TENM2: variants seen among roughly 807,000 people sequenced by gnomAD.
TENM2 encodes the protein teneurin transmembrane protein 2.
TENM2 carries 52 observed loss-of-function variants against 245.2 expected under a neutral mutation model. The ratio of observed to expected loss-of-function variants is 0.21; its 90% CI spans 0.17 to 0.27. The LOEUF (loss-of-function observed/expected upper bound fraction) is 0.27. Among genes scored for constraint, TENM2 ranks in the 10% least tolerant of loss-of-function variants. The pLI is 1.00. For synonymous variants in TENM2, 1,363 were observed against 1,438.9 expected (o/e 0.95, Z 1.19); for missense variants, 3,046 against 3,666.8 (o/e 0.83, Z 4.37).
intron 2 of TENM2, among the ~76,000 whole-genome samples, chr5:167,577,526 T>C (rs1162570013): frequency 6.6e-6 from 1 of 152,202 alleles, no homozygotes; most frequent in East Asian, 1.9e-4. Flanking sequence ...ATTTTGTAAT[T>C]AATGCTCTAA....
At chr5:167,811,091 G>C (rs142012923) in intron 2 of TENM2, among the ~76,000 whole-genome samples, 413 of 152,264 alleles carry the variant, frequency 2.7e-3, no homozygotes, top group African/African-American at 9.4e-3. Flanking sequence ...ATATATCGCT[G>C]CAAGGAGGAA....
intron 5 of TENM2, among the ~76,000 whole-genome samples, chr5:168,033,546 G>A (rs1787317197): frequency 6.6e-6 from 1 of 151,916 alleles, no homozygotes; most frequent in Non-Finnish European, 1.5e-5. Flanking sequence ...TATTAGCCTG[G>A]CACACTCCCA....
rs568741121 is a variant in TENM2 at position 167,935,363 on chromosome 5, C to T, written c.713-17225C>T. Among the ~76,000 whole-genome samples the T allele has an allele frequency of 9.9e-5, 15 of 152,268 alleles. 1 individual carries two copies. In the South Asian group the frequency reaches 2.9e-3, roughly 29 times the overall value. ...CCCAGCCCCATCATTTAGGAACCCC[C>T]TGGAATCTGATGGACAGGACTGATG... On this transcript the variant is annotated intron_variant, in intron 3 of 28. Coordinates refer to ENST00000518659, the Ensembl canonical transcript of TENM2.
chr5:168,216,152 T>C (rs1763174469), intron 21 of TENM2, among the ~76,000 whole-genome samples: 1 of 152,188 alleles, frequency 6.6e-6, no homozygotes, highest in Admixed American at 6.5e-5. Flanking sequence ...AGCCTTGTAC[T>C]TGGGCACTGG....
At chr5:167,012,269 C>T in the TENM2 span, among the ~76,000 whole-genome samples, 1 of 152,148 alleles carries the variant, frequency 6.6e-6, no homozygotes, top group African/African-American at 2.4e-5. Context: ...CTTCCCCTGT[C>T]GTTTTAAGAC....
At chr5:167,708,391 G>C (rs891101353) in intron 2 of TENM2, among the ~76,000 whole-genome samples, 5 of 152,290 alleles carry the variant, frequency 3.3e-5, no homozygotes, top group African/African-American at 1.2e-4. Flanking sequence ...GGCAGATACT[G>C]TCTACTTGCC....
intron 2 of TENM2, among the ~76,000 whole-genome samples, chr5:167,706,307 G>T (rs868291589): frequency 6.7e-4 from 98 of 145,944 alleles, no homozygotes; most frequent in Middle Eastern, 7.3e-3. Context: ...ATGTATCACA[G>T]TATATATAAG....
At chr5:167,020,001 C>G in the TENM2 span, among the ~76,000 whole-genome samples, 1 of 152,082 alleles carries the variant, frequency 6.6e-6, no homozygotes, top group Non-Finnish European at 1.5e-5. Context: ...ATAATAAAAT[C>G]TGGGAAAGTG....
At chr5:167,289,907 C>A (rs2127717904) in intron 1 of TENM2, among the ~76,000 whole-genome samples, 1 of 152,294 alleles carries the variant, frequency 6.6e-6, no homozygotes, top group Non-Finnish European at 1.5e-5. Context: ...AAAACCTCAG[C>A]ACTTTAATTT....
At chr5:167,626,667 G>C (rs1189704317) in intron 2 of TENM2, among the ~76,000 whole-genome samples, 1 of 152,166 alleles carries the variant, frequency 6.6e-6, no homozygotes, top group African/African-American at 2.4e-5. Flanking sequence ...AGTTAGAAAA[G>C]TTGGAACAAC....
chr5:167,828,932 G>C (rs577635304), intron 2 of TENM2, among the ~76,000 whole-genome samples: 1 of 152,238 alleles, frequency 6.6e-6, no homozygotes, highest in Non-Finnish European at 1.5e-5. Context: ...GGGTTCTCTG[G>C]CTCTTGGTTT....
At chr5:168,090,481 C>G (rs544537830) in intron 7 of TENM2, 93 bp from the exon 10 acceptor site, 1 of 1,143,708 alleles carries the variant, frequency 8.7e-7, no homozygotes, top group Non-Finnish European at 1.2e-6. Context: ...AAAGGTCTTT[C>G]TCCATTAACA....
the TENM2 span, among the ~76,000 whole-genome samples, chr5:167,252,909 G>A: frequency 6.6e-6 from 1 of 152,006 alleles, no homozygotes; most frequent in Non-Finnish European, 1.5e-5. Flanking sequence ...CTTGACTCTG[G>A]CCTTACGTGT....
At chr5:168,101,637 A>T (rs1166288956) in intron 9 of TENM2, among the ~76,000 whole-genome samples, 2 of 152,210 alleles carry the variant, frequency 1.3e-5, no homozygotes, top group Admixed American at 6.5e-5. Flanking sequence ...GGATGTTAAG[A>T]GTAGTTATTC....
At chr5:167,034,736 A>C in the TENM2 span, among the ~76,000 whole-genome samples, 1 of 151,702 alleles carries the variant, frequency 6.6e-6, no homozygotes, top group African/African-American at 2.4e-5. Context: ...AAGAGACTCT[A>C]TCTGTGTCGA....
chr5:167,055,520 T>C, the TENM2 span, among the ~76,000 whole-genome samples: 1 of 152,110 alleles, frequency 6.6e-6, no homozygotes, highest in Non-Finnish European at 1.5e-5. Context: ...TTGACAAGAT[T>C]GAGTTTTCCT....
At chr5:167,484,756 A>G (rs1481269682) in intron 2 of TENM2, among the ~76,000 whole-genome samples, 2 of 152,170 alleles carry the variant, frequency 1.3e-5, no homozygotes, top group African/African-American at 2.4e-5. Flanking sequence ...TACATGGGAA[A>G]TTGGTCTTGA....
the TENM2 span, among the ~76,000 whole-genome samples, chr5:167,172,632 T>C: frequency 1.3e-5 from 2 of 151,478 alleles, no homozygotes; most frequent in African/African-American, 4.9e-5. Context: ...ATCTTTTTTT[T>C]TTTTTTTCTA....
chr5:167,408,632 A>G (rs1483520128), intron 2 of TENM2, among the ~76,000 whole-genome samples: 2 of 151,980 alleles, frequency 1.3e-5, no homozygotes, highest in South Asian at 2.1e-4. Context: ...ACTTCAAGTG[A>G]TGCCATAATG....
Sources: gnomAD v4.1 joint callset for allele counts (sites outside exome capture counted in the v4.1 genomes callset) on GRCh38, gnomAD v4.1.1 for gene constraint, MANE v1.5 for transcripts, NCBI Gene and HGNC (gene_info 2026-07-23, HGNC 2026-07-21) for gene names.